CSMD1: variants seen among roughly 807,000 people sequenced by gnomAD.
CSMD1 encodes the protein CUB and sushi domain-containing protein 1.
A neutral mutation model predicts 417.5 loss-of-function variants in CSMD1; 213 were observed. That is an observed-to-expected ratio of 0.51 (90% CI 0.46 to 0.57). The LOEUF (loss-of-function observed/expected upper bound fraction) is 0.57. Ranked by LOEUF, CSMD1 falls within the 20% of genes least tolerant of loss-of-function variation. The pLI is 0.00. For synonymous variants in CSMD1, 2,862 were observed against 1,736.8 expected, an observed-to-expected ratio of 1.65 and a Z score of -16.11; for missense variants, 6,923 against 4,529.7, an observed-to-expected ratio of 1.53 and a Z score of -15.17.
chr8:4,744,590 G>C (rs368238300), intron 1 of CSMD1, among the ~76,000 whole-genome samples: 2 of 152,198 alleles, frequency 1.3e-5, no homozygotes, highest in African/African-American at 4.8e-5. Context: ...AATATCTTTG[G>C]TTCGTGGTAG....
intron 7 of CSMD1, among the ~76,000 whole-genome samples, chr8:3,633,389 T>A (rs1331200371): frequency 6.6e-6 from 1 of 152,194 alleles, no homozygotes; most frequent in Admixed American, 6.5e-5. Context: ...CTGACAAGTT[T>A]GCAAACTAGG....
chr8:3,293,987 CGTACAGATGGG>C (rs1361885679), intron 25 of CSMD1, among the ~76,000 whole-genome samples: 1 of 151,362 alleles, frequency 6.6e-6, no homozygotes, highest in Non-Finnish European at 1.5e-5. Flanking sequence ...ATGATGATGA[CGTACAGATGGG>C]GTTTTGGTGT....
intron 26 of CSMD1, among the ~76,000 whole-genome samples, chr8:3,280,656 T>A (rs1479303059): frequency 6.6e-6 from 1 of 152,174 alleles, no homozygotes; most frequent in Non-Finnish European, 1.5e-5. Context: ...CATTCAATCA[T>A]TTTTTACGTA....
chr8:4,351,675 C>G (rs1196701999), intron 3 of CSMD1, among the ~76,000 whole-genome samples: 2 of 152,104 alleles, frequency 1.3e-5, no homozygotes, highest in South Asian at 2.1e-4. Context: ...AGATGTCTTC[C>G]AAGAGGAGAC....
intron 47 of CSMD1, among the ~76,000 whole-genome samples, chr8:3,093,334 T>A (rs763389335): frequency 1.3e-5 from 2 of 152,084 alleles, no homozygotes; most frequent in African/African-American, 2.4e-5. Flanking sequence ...TCTGACCCCT[T>A]CCGCTTAAAG....
At chr8:3,563,154 T>C (rs1453225376) in intron 10 of CSMD1, among the ~76,000 whole-genome samples, 2 of 152,106 alleles carry the variant, frequency 1.3e-5, no homozygotes, top group Non-Finnish European at 1.5e-5. Flanking sequence ...ATTGTCCTAA[T>C]GTATTTGGCA....
intron 1 of CSMD1, among the ~76,000 whole-genome samples, chr8:4,879,612 C>A (rs1803269006): frequency 6.6e-6 from 1 of 151,816 alleles, no homozygotes; most frequent in Non-Finnish European, 1.5e-5. Flanking sequence ...ACTGTAGTTA[C>A]AGAATCAACA....
chr8:3,739,602 T>A (rs943371417), intron 6 of CSMD1, among the ~76,000 whole-genome samples: 3 of 152,174 alleles, frequency 2.0e-5, no homozygotes, highest in Admixed American at 6.6e-5. Flanking sequence ...ACTAACACAT[T>A]AAGTCTCTCA....
intron 2 of CSMD1, among the ~76,000 whole-genome samples, chr8:4,605,832 G>T (rs984766488): frequency 1.3e-5 from 2 of 152,158 alleles, no homozygotes; most frequent in African/African-American, 2.4e-5. Flanking sequence ...GGTGGACAAG[G>T]GTTCGTGTTC....
intron 26 of CSMD1, among the ~76,000 whole-genome samples, chr8:3,258,708 T>C (rs919756970): frequency 6.6e-6 from 1 of 152,204 alleles, no homozygotes; most frequent in African/African-American, 2.4e-5. Flanking sequence ...CCATCAGTGA[T>C]AGACTGGATA....
At chr8:3,855,644 GAATTT>G (rs1010116681) in intron 5 of CSMD1, among the ~76,000 whole-genome samples, 39 of 152,230 alleles carry the variant, frequency 2.6e-4, no homozygotes, top group African/African-American at 9.1e-4. Context: ...CTTGAAACAT[GAATTT>G]AATTTTCCTG....
rs368354029 is a variant in CSMD1, at chr8:4,446,658, A to G, written c.303-26593T>C. Among the ~76,000 whole-genome samples the G allele has an allele frequency of 2.6e-5, 4 of 151,636 alleles. No homozygotes were observed. In the South Asian group the frequency reaches 6.2e-4, roughly 24 times the overall value. On this transcript the variant is annotated intron_variant, in intron 2 of 69. Transcript: ENST00000635120. ...AAACTCTGCCTCCTAGATTTGAGCC[A>G]TTCTCTGTCTCAGTCTCCTGAGTAG... is the stretch of plus-strand genomic sequence containing the variant.
intron 3 of CSMD1, among the ~76,000 whole-genome samples, chr8:4,084,343 AAC>A (rs1285891548): frequency 6.6e-6 from 1 of 152,046 alleles, no homozygotes; most frequent in East Asian, 1.9e-4. Flanking sequence ...GAAAAAAAAA[AAC>A]AAACTACAAC....
intron 32 of CSMD1, among the ~76,000 whole-genome samples, chr8:3,201,234 C>T (rs577535238): frequency 6.6e-6 from 1 of 152,266 alleles, no homozygotes; most frequent in East Asian, 1.9e-4. Context: ...GTAGGACTTA[C>T]AGGCTTAGAA....
intron 5 of CSMD1, among the ~76,000 whole-genome samples, chr8:3,797,316 T>C (rs868776036): frequency 2.0e-5 from 3 of 151,978 alleles, no homozygotes; most frequent in Middle Eastern, 3.2e-3. Context: ...CTTTGTTATA[T>C]AATTCAATGA....
intron 3 of CSMD1, among the ~76,000 whole-genome samples, chr8:4,142,921 T>C (rs979408583): frequency 6.6e-6 from 1 of 151,002 alleles, no homozygotes; most frequent in African/African-American, 2.5e-5. Flanking sequence ...TTTTAGGTCA[T>C]ATGTTGAAGT....
At chr8:4,237,336 A>T (rs1024043164) in intron 3 of CSMD1, among the ~76,000 whole-genome samples, 2 of 152,080 alleles carry the variant, frequency 1.3e-5, no homozygotes, top group African/African-American at 4.8e-5. Flanking sequence ...TAAATAAACT[A>T]ATCCTTCAAC....
Position 4,666,566 on chromosome 8 carries a change from T to A in CSMD1, c.86-29008A>T, listed in dbSNP as rs149441291. Among the ~76,000 whole-genome samples, 43 of 152,334 alleles carry A rather than the reference T, an allele frequency of 2.8e-4. 1 individual carries two copies. The East Asian group carries it at 8.3e-3, about 29-fold the overall frequency. On this transcript the variant is annotated intron_variant, in intron 1 of 69. Transcript: ENST00000635120. ...TTTGACCAATTTTGGACTTCTGACT[T>A]CTAAAACTGTAAAATAACAAATTTA...
chr8:4,927,718 T>C (rs1246116648), intron 1 of CSMD1, among the ~76,000 whole-genome samples: 1 of 152,166 alleles, frequency 6.6e-6, no homozygotes, highest in African/African-American at 2.4e-5. Context: ...CAGATGATAC[T>C]TATCTGCAAG....
Sources: gnomAD v4.1 joint callset for allele counts (sites outside exome capture counted in the v4.1 genomes callset) on GRCh38, gnomAD v4.1.1 for gene constraint, MANE v1.5 for transcripts, NCBI Gene and HGNC (gene_info 2026-07-23, HGNC 2026-07-21) for gene names.